Variants in CAMSAP2 observed in about 807,000 individuals in gnomAD.
CAMSAP2 encodes the protein calmodulin-regulated spectrin-associated protein 2.
A neutral mutation model predicts 146.1 loss-of-function variants in CAMSAP2; 26 were observed. That is an observed-to-expected ratio of 0.18 (90% CI 0.13 to 0.25). The LOEUF (loss-of-function observed/expected upper bound fraction) is 0.25, where lower values mean the gene tolerates loss of function less well. Among genes scored for constraint, CAMSAP2 ranks in the 10% least tolerant of loss-of-function variants. The pLI, the probability that CAMSAP2 is intolerant of heterozygous loss-of-function variation, is 1.00. For missense variants in CAMSAP2, 1,381 were observed against 1,759.3 expected (o/e 0.78, Z 3.85); for synonymous variants, 499 against 596.6 (o/e 0.84, Z 2.38).
chr1:200,796,816 C>T (rs891979505), intron 2 of CAMSAP2, among the ~76,000 whole-genome samples: 5 of 151,756 alleles, frequency 3.3e-5, no homozygotes, highest in African/African-American at 1.2e-4. Context: ...TGCTATCCCT[C>T]CCCTCTCCCC....
chr1:200,772,479 T>A (rs538778717), intron 2 of CAMSAP2, among the ~76,000 whole-genome samples: 17 of 152,148 alleles, frequency 1.1e-4, no homozygotes, highest in Middle Eastern at 3.4e-3. Context: ...TGTGGTGGCA[T>A]ACGCCTGTAA....
Position 200,849,880 on chromosome 1 carries a change from G to T in CAMSAP2, c.3111G>T (p.Glu1037Asp). The change falls in exon 11 of 17, where the codon GAG becomes GAT. Residue 1037 changes from glutamate to aspartate, a missense_variant. By Grantham distance (45) the Glu-to-Asp change is conservative. This residue lies in a region of CAMSAP2 where 560 missense variants were observed against 715.9 expected (regional missense o/e 0.78). Coordinates refer to ENST00000358823, the MANE Select transcript of CAMSAP2 (RefSeq NM_203459.4). The surrounding 1 kb of genome is among the most constrained non-coding windows in gnomAD (Gnocchi z 6.3). Reference protein sequence around the residue: ...EPQLKESKPKEEVKKEELESK... With the variant: ...EPQLKESKPKDEVKKEELESK... ...AGTTAAAGGAATCCAAACCTAAAGA[G>T]GAAGTTAAAAAGGAGGAATTGGAAT... is the stretch of plus-strand genomic sequence containing the variant. The T allele has an allele frequency of 6.2e-7, 1 of 1,614,066 alleles. No individual in the cohort carries two copies. Among genetic ancestry groups the T allele is most frequent in the African/African-American group, 1.3e-5 (1 of 75,010 alleles).
chr1:200,844,058 AG>A (rs1303683796), intron 7 of CAMSAP2, among the ~76,000 whole-genome samples: 2 of 151,710 alleles, frequency 1.3e-5, no homozygotes, highest in African/African-American at 2.4e-5. Flanking sequence ...TTTTTAGTAG[AG>A]GTGGGGTTTC....
At chr1:200,824,848 A>C (rs1017232724) in intron 4 of CAMSAP2, among the ~76,000 whole-genome samples, 1 of 152,092 alleles carries the variant, frequency 6.6e-6, no homozygotes, top group Non-Finnish European at 1.5e-5. Flanking sequence ...GTGTGTTGGC[A>C]TGCGCCCGTA....
At chr1:200,754,060 A>AGG (rs1465265133) in intron 1 of CAMSAP2, among the ~76,000 whole-genome samples, 1 of 152,244 alleles carries the variant, frequency 6.6e-6, no homozygotes, top group African/African-American at 2.4e-5. Context: ...CCAGGAAGGC[A>AGG]GGGGAGGCGT....
chr1:200,821,786 A>G (rs1215368354), intron 4 of CAMSAP2, among the ~76,000 whole-genome samples: 3 of 152,186 alleles, frequency 2.0e-5, no homozygotes, highest in Non-Finnish European at 4.4e-5. Flanking sequence ...TATTATAGTT[A>G]AGAGAACTTG....
At chr1:200,855,162 A>G (rs893493193) in intron 14 of CAMSAP2, among the ~76,000 whole-genome samples, 2 of 152,056 alleles carry the variant, frequency 1.3e-5, no homozygotes, top group African/African-American at 4.8e-5. Flanking sequence ...AAACATTAAC[A>G]GTAATTATAC....
chr1:200,823,562 C>T (rs1666828016), intron 4 of CAMSAP2, among the ~76,000 whole-genome samples: 1 of 152,130 alleles, frequency 6.6e-6, no homozygotes, highest in Non-Finnish European at 1.5e-5. Context: ...CATGGTTAGA[C>T]TGGAGTTACA....
chr1:200,852,117 A>G (rs748930684), intron 11 of CAMSAP2, among the ~76,000 whole-genome samples: 1 of 152,238 alleles, frequency 6.6e-6, no homozygotes, highest in African/African-American at 2.4e-5. Flanking sequence ...TTTATGTGCT[A>G]CAACATTGGG....
intron 4 of CAMSAP2, among the ~76,000 whole-genome samples, chr1:200,820,694 T>C (rs1361507478): frequency 1.3e-5 from 2 of 152,160 alleles, no homozygotes; most frequent in African/African-American, 4.8e-5. Flanking sequence ...AATAGTACTA[T>C]TTGAGAGAAG....
chr1:200,817,243 CACACATATGTGTGTGTAT>C lies in CAMSAP2; in HGVS notation c.645+1601_645+1618del, dbSNP rs1558192322. Among the ~76,000 whole-genome samples, 109 of 11,456 alleles carry C rather than the reference CACACATATGTGTGTGTAT, an allele frequency of 9.5e-3. 1 individual carries two copies. Among genetic ancestry groups the C allele is most frequent in the African/African-American group, 0.039 (104 of 2,666 alleles). The allele number at this position is 11,456 out of a possible 152,430, so 7.5% of individuals were successfully genotyped here. ...ATATGTGTGTGTATATACACACATACACACATATGTGTGTGTATATACACACATATATATATATTTTCC... is the reference window on the plus strand; with the variant it reads ...ATATGTGTGTGTATATACACACATACATACACACATATATATATATTTTCC... On this transcript the variant is annotated intron_variant, in intron 4 of 16. Coordinates refer to ENST00000358823, the MANE Select transcript of CAMSAP2 (RefSeq NM_203459.4).
intron 2 of CAMSAP2, among the ~76,000 whole-genome samples, chr1:200,765,999 A>T (rs1364344628): frequency 1.3e-5 from 2 of 152,200 alleles, no homozygotes; most frequent in Non-Finnish European, 2.9e-5. Context: ...AGAATCATGG[A>T]ATAGATTTTC....
chr1:200,836,260 C>T (rs985055112), intron 6 of CAMSAP2, among the ~76,000 whole-genome samples: 1 of 152,146 alleles, frequency 6.6e-6, no homozygotes, highest in Non-Finnish European at 1.5e-5. Flanking sequence ...TCCCTCCTTT[C>T]ACCTTCCACT....
intron 11 of CAMSAP2, among the ~76,000 whole-genome samples, chr1:200,852,221 C>T (rs553436067): frequency 6.6e-6 from 1 of 152,254 alleles, no homozygotes; most frequent in South Asian, 2.1e-4. Flanking sequence ...GGTGGGGGAA[C>T]TACCTACTGT....
At position 200,858,098 on chromosome 1, in the gene CAMSAP2, T is replaced by G. The variant is rs1667791936; in HGVS notation, c.*39T>G. 1.7e-5 allele frequency: 26 copies of G among 1,491,032 alleles called. No homozygotes were observed. Among genetic ancestry groups the G allele is most frequent in the Non-Finnish European group, 2.2e-5 (25 of 1,114,102 alleles). The allele number at this position is 1,491,032 out of a possible 1,614,324, so 92.4% of individuals were successfully genotyped here. ...CTTGCTTCAGAACATTCATGGTAAA[T>G]TTGCACTTCATCTTTCCTGCCTATA... On this transcript the variant is annotated 3_prime_UTR_variant, in exon 17 of 17. Coordinates refer to ENST00000358823, the MANE Select transcript of CAMSAP2 (RefSeq NM_203459.4).
chr1:200,741,190 G>C (rs7520984), intron 1 of CAMSAP2, among the ~76,000 whole-genome samples: 109,581 of 152,128 alleles, frequency 0.72, 39,569 homozygotes, highest in Middle Eastern at 0.78. Context: ...GGGGAAACTT[G>C]ACATTGATGT....
At chr1:200,833,199 CTTATT>C (rs1667089858) in intron 6 of CAMSAP2, among the ~76,000 whole-genome samples, 1 of 151,954 alleles carries the variant, frequency 6.6e-6, no homozygotes, top group Non-Finnish European at 1.5e-5. Flanking sequence ...TTTTTTTCTC[CTTATT>C]TTGTTTTTTA....
chr1:200,841,126 A>G (rs1474904701), intron 6 of CAMSAP2, among the ~76,000 whole-genome samples: 1 of 152,238 alleles, frequency 6.6e-6, no homozygotes, highest in Non-Finnish European at 1.5e-5. Flanking sequence ...AGGTAGATAC[A>G]TTCATTGTAT....
intron 2 of CAMSAP2, among the ~76,000 whole-genome samples, chr1:200,769,897 T>C (rs1169429620): frequency 6.6e-6 from 1 of 152,142 alleles, no homozygotes; most frequent in Non-Finnish European, 1.5e-5. Context: ...AGGAGAAGAT[T>C]AGATTCCTGC....
Sources: gnomAD v4.1 joint callset for allele counts (sites outside exome capture counted in the v4.1 genomes callset) on GRCh38, gnomAD v4.1.1 for gene constraint, gnomAD v4.1.1 regional missense constraint, Gnocchi (gnomAD v3.1) non-coding constraint, MANE v1.5 for transcripts, NCBI Gene and HGNC (gene_info 2026-07-23, HGNC 2026-07-21) for gene names.